The following CDH13 variants were observed in gnomAD, a reference collection of about 807,000 sequenced individuals.
CDH13 encodes the protein cadherin 13.
Under a neutral mutation model 63.8 loss-of-function variants are expected in CDH13, and 24 were observed. The ratio of observed to expected loss-of-function variants is 0.38; its 90% CI spans 0.27 to 0.53. The LOEUF is 0.53. Ranked by LOEUF, CDH13 falls within the 20% of genes least tolerant of loss-of-function variation. The probability of loss-of-function intolerance (pLI) is 0.85; values close to 1 mark genes in which losing one functional copy is unlikely to be tolerated. For synonymous variants in CDH13, 503 were observed against 355.3 expected (o/e 1.42, Z -4.67); for missense variants, 1,049 against 903.1 (o/e 1.16, Z -2.07).
At chr16:83,452,116 C>T (rs185192954) in intron 6 of CDH13, among the ~76,000 whole-genome samples, 11 of 152,156 alleles carry the variant, frequency 7.2e-5, no homozygotes, top group African/African-American at 2.4e-4. Context: ...AGATACATTT[C>T]GATTCAAAGT....
intron 5 of CDH13, among the ~76,000 whole-genome samples, chr16:83,239,675 C>A (rs1476519011): frequency 6.6e-6 from 1 of 152,238 alleles, no homozygotes; most frequent in Non-Finnish European, 1.5e-5. Flanking sequence ...GTTCTACTCT[C>A]ATTCACTCAC....
chr16:82,733,884 A>G (rs921301355), intron 1 of CDH13, among the ~76,000 whole-genome samples: 1 of 152,372 alleles, frequency 6.6e-6, no homozygotes, highest in South Asian at 2.1e-4. Context: ...CATAGCACCT[A>G]TCATGAACCA....
chr16:83,062,413 C>T (rs1030060625), intron 3 of CDH13, among the ~76,000 whole-genome samples: 4 of 152,178 alleles, frequency 2.6e-5, no homozygotes, highest in African/African-American at 9.7e-5. Context: ...GTGCCTGACA[C>T]GTAGTGCTTC....
At chr16:82,738,392 A>G (rs2033781341) in intron 1 of CDH13, among the ~76,000 whole-genome samples, 1 of 152,236 alleles carries the variant, frequency 6.6e-6, no homozygotes, top group African/African-American at 2.4e-5. Flanking sequence ...CATCCCAAAC[A>G]AAAATAAGCC....
chr16:83,253,879 T>C (rs1410154749), intron 5 of CDH13, among the ~76,000 whole-genome samples: 2 of 152,228 alleles, frequency 1.3e-5, no homozygotes, highest in Non-Finnish European at 2.9e-5. Flanking sequence ...TTTCTAGGTA[T>C]ACACATGAAC....
intron 6 of CDH13, among the ~76,000 whole-genome samples, chr16:83,373,969 T>A (rs535555589): frequency 6.6e-6 from 1 of 152,268 alleles, no homozygotes; most frequent in Admixed American, 6.5e-5. Context: ...ACCACCACCT[T>A]CTGATCTCCA....
rs2091050954 is a variant in CDH13 at position 83,356,211 on chromosome 16, C to CGTGTGT, written c.781+11205_781+11206insGTGTGT. Among the ~76,000 whole-genome samples the CGTGTGT allele has an allele frequency of 1.5e-4, 9 of 60,786 alleles. No homozygotes were observed. The East Asian group carries it at 2.3e-3, about 15-fold the overall frequency. The allele number at this position is 60,786 out of a possible 152,430, so 39.9% of individuals were successfully genotyped here. A position where few individuals can be genotyped will look rare whatever the true frequency, so the allele number is the denominator to read the frequency against. On this transcript the variant is annotated intron_variant, in intron 6 of 13. Coordinates refer to ENST00000567109, the MANE Select transcript of CDH13 (RefSeq NM_001257.5). Reference sequence around the variant, plus strand: ...ACAGATGAGTGAGTTTATTTATTTTCATGTGTGTGTGTGTGTGTGTGTGTG... The same window carrying CGTGTGT: ...ACAGATGAGTGAGTTTATTTATTTTCGTGTGTATGTGTGTGTGTGTGTGTGTGTGTG...
chr16:82,807,588 C>A (rs188781516), intron 1 of CDH13, among the ~76,000 whole-genome samples: 103 of 152,220 alleles, frequency 6.8e-4, no homozygotes, highest in African/African-American at 2.4e-3. Context: ...GCTAAGGACC[C>A]CTGGAAGTGC....
intron 3 of CDH13, among the ~76,000 whole-genome samples, chr16:83,100,939 A>G (rs76929602): frequency 6.6e-6 from 1 of 152,182 alleles, no homozygotes; most frequent in Admixed American, 6.5e-5. Context: ...AAGTTGCATA[A>G]TAGATACTCA....
intron 2 of CDH13, among the ~76,000 whole-genome samples, chr16:82,889,461 T>A (rs1001982682): frequency 8.5e-5 from 13 of 152,368 alleles, no homozygotes; most frequent in Non-Finnish European, 1.6e-4. Flanking sequence ...CAAACTTGGA[T>A]GAAGTTGGAA....
chr16:83,447,069 A>AC (rs1330858464), intron 6 of CDH13, among the ~76,000 whole-genome samples: 1 of 133,832 alleles, frequency 7.5e-6, no homozygotes, highest in African/African-American at 3.0e-5. Flanking sequence ...AAAAAAAAAA[A>AC]AAAAACAAAA....
At chr16:82,832,543 T>G (rs1334378632) in intron 1 of CDH13, among the ~76,000 whole-genome samples, 1 of 151,864 alleles carries the variant, frequency 6.6e-6, no homozygotes, top group African/African-American at 2.4e-5. Flanking sequence ...AACATAGTTA[T>G]AGGCTGTCAC....
At chr16:82,849,799 G>C (rs2039407188) in intron 1 of CDH13, among the ~76,000 whole-genome samples, 1 of 152,182 alleles carries the variant, frequency 6.6e-6, no homozygotes, top group Non-Finnish European at 1.5e-5. Flanking sequence ...GGGCCCTTAA[G>C]AATTGTGCTG....
chr16:82,976,381 A>G (rs1025330382), intron 2 of CDH13, among the ~76,000 whole-genome samples: 1 of 152,156 alleles, frequency 6.6e-6, no homozygotes, highest in Non-Finnish European at 1.5e-5. Context: ...ATCTCACTCA[A>G]CTGTAACGGT....
intron 2 of CDH13, among the ~76,000 whole-genome samples, chr16:82,938,461 G>A (rs897084440): frequency 6.6e-6 from 1 of 152,214 alleles, no homozygotes; most frequent in Admixed American, 6.5e-5. Flanking sequence ...TCAATACTGA[G>A]CTTTTGACAG....
chr16:83,512,369 T>TAAAA (rs58490529), intron 7 of CDH13, among the ~76,000 whole-genome samples: 81 of 118,774 alleles, frequency 6.8e-4, no homozygotes, highest in African/African-American at 1.8e-3. Context: ...AATAAATAAA[T>TAAAA]AAAATAAAAA....
chr16:83,408,903 C>G (rs986371179), intron 6 of CDH13, among the ~76,000 whole-genome samples: 1 of 152,178 alleles, frequency 6.6e-6, no homozygotes, highest in East Asian at 1.9e-4. Flanking sequence ...GAGACTAAGC[C>G]CAAGGCTGGG....
chr16:82,739,317 C>T (rs1440136753), intron 1 of CDH13, among the ~76,000 whole-genome samples: 1 of 152,096 alleles, frequency 6.6e-6, no homozygotes, highest in African/African-American at 2.4e-5. Flanking sequence ...TCATCTTCTG[C>T]CAAGATGGGG....
At chr16:83,624,503 C>T (rs1315327491) in intron 8 of CDH13, among the ~76,000 whole-genome samples, 3 of 152,090 alleles carry the variant, frequency 2.0e-5, no homozygotes, top group Non-Finnish European at 1.5e-5. Flanking sequence ...TCTTAAGAAA[C>T]GTGCAGCCTG....
Sources: allele counts gnomAD v4.1 joint callset (sites outside exome capture counted in the v4.1 genomes callset), GRCh38; gene constraint gnomAD v4.1.1; transcripts MANE v1.5; gene names NCBI Gene and HGNC (gene_info 2026-07-23, HGNC 2026-07-21).